Variants in P4HA3 observed in about 807,000 individuals in gnomAD.
The protein encoded by P4HA3 is prolyl 4-hydroxylase subunit alpha-3.
In P4HA3, 60 loss-of-function variants were observed where a neutral mutation model predicts 66.7. The ratio of observed to expected loss-of-function variants is 0.90; its 90% confidence interval spans 0.73 to 1.12. The LOEUF (loss-of-function observed/expected upper bound fraction) is 1.12. P4HA3 is among the 50% of genes most tolerant of loss of function. The pLI is 0.00. For missense variants in P4HA3, 683 were observed against 685.8 expected (o/e 1.00, Z 0.05); for synonymous variants, 263 against 274.6 (o/e 0.96, Z 0.42).
intron 15 of P4HA3, among the ~76,000 whole-genome samples, chr11:74,252,031 G>A (rs931885246): frequency 6.6e-6 from 1 of 151,776 alleles, no homozygotes; most frequent in Non-Finnish European, 1.5e-5. Flanking sequence ...CCTTTTCCAG[G>A]CTCCTAGAGA....
rs866037053 is a variant in P4HA3 at position 74,266,930 on chromosome 11, C to G, written c.*318G>C. On this transcript the variant is annotated 3_prime_UTR_variant, in exon 13 of 13. Transcript: ENST00000331597. ...TCAAAGTGCCAAAAGACCCACTGATCGAACCTGAGACTGTTGAGATGTCCT... is the reference window on the plus strand; with the variant it reads ...TCAAAGTGCCAAAAGACCCACTGATGGAACCTGAGACTGTTGAGATGTCCT... 1.4e-5 allele frequency: 18 copies of G among 1,293,008 alleles called. No homozygotes were observed. Among genetic ancestry groups the G allele is most frequent in the Middle Eastern group, 4.7e-4 (2 of 4,244 alleles). The allele number at this position is 1,293,008 out of a possible 1,614,324, so 80.1% of individuals were successfully genotyped here.
At chr11:74,263,385 A>G (rs1565401713), downstream of P4HA3, among the ~76,000 whole-genome samples, 1 of 151,698 alleles carries the variant, frequency 6.6e-6, no homozygotes, top group African/African-American at 2.4e-5. Context: ...AATGTTGGAG[A>G]CCCCCCCTGC....
At chr11:74,259,961 T>G (rs1859882590) in exon 15 of P4HA3, 1 of 152,204 alleles carries the variant, frequency 6.6e-6, no homozygotes, top group Admixed American at 6.5e-5. Context: ...CAGTTCTATG[T>G]TTATCTTTCT....
At chr11:74,286,603 A>G (rs1332059177) in intron 5 of P4HA3, among the ~76,000 whole-genome samples, 1 of 152,178 alleles carries the variant, frequency 6.6e-6, no homozygotes, top group Non-Finnish European at 1.5e-5. Flanking sequence ...TGATCCTGGT[A>G]GATCTGAAGG....
Position 74,291,621 on chromosome 11 carries a change from C to T in P4HA3, c.718-2491G>A, listed in dbSNP as rs138008407. On this transcript the variant is annotated intron_variant, in intron 4 of 12. Coordinates refer to ENST00000331597, the MANE Select transcript of P4HA3 (RefSeq NM_182904.5). ...TCTTATTATTTTGAGATACGTCCAT[C>T]AATACCTAATTTATTGAGAGTTTTT... is the stretch of plus-strand genomic sequence containing the variant. 9.6e-3 allele frequency among the ~76,000 whole-genome samples: 1,462 copies of T among 152,262 alleles called. 23 individuals carry two copies. Among genetic ancestry groups the T allele is most frequent in the African/African-American group, 0.031 (1,304 of 41,534 alleles).
chr11:74,288,015 CAA>C (rs1158628037), intron 5 of P4HA3, among the ~76,000 whole-genome samples: 1 of 151,152 alleles, frequency 6.6e-6, no homozygotes, highest in Non-Finnish European at 1.5e-5. Flanking sequence ...GACTCTGTCT[CAA>C]AAAACAAAAC....
intron 15 of P4HA3, chr11:74,253,586 T>C: frequency 6.8e-7 from 1 of 1,480,408 alleles, no homozygotes; most frequent in Non-Finnish European, 9.4e-7. Flanking sequence ...GTGATGCCAC[T>C]GTCTCCTCTC....
At chr11:74,292,388 A>G (rs1861061716) in intron 4 of P4HA3, among the ~76,000 whole-genome samples, 1 of 152,098 alleles carries the variant, frequency 6.6e-6, no homozygotes, top group South Asian at 2.1e-4. Flanking sequence ...GATCTTTTCA[A>G]AAAACCAGCT....
At chr11:74,288,477 C>T (rs1860879094) in intron 5 of P4HA3, among the ~76,000 whole-genome samples, 1 of 152,186 alleles carries the variant, frequency 6.6e-6, no homozygotes, top group Non-Finnish European at 1.5e-5. Context: ...GCTCCCACTC[C>T]TGGACTTTTT....
Position 74,273,542 on chromosome 11 carries a change from C to T in P4HA3, c.1398+3G>A. ...GAAGTAAGAAGCCCAGAGCAATACTCACATAGATCATAAATGTTGCAACTC... is the reference window on the plus strand; with the variant it reads ...GAAGTAAGAAGCCCAGAGCAATACTTACATAGATCATAAATGTTGCAACTC... On this transcript the variant is annotated splice_donor_region_variant and intron_variant, in intron 10 of 12. Transcript: ENST00000331597. The T allele has an allele frequency of 6.5e-7, 1 of 1,546,868 alleles. No individual in the cohort carries two copies. The highest frequency in any genetic ancestry group is 2.4e-5 in the East Asian group (1 of 41,056).
intron 4 of P4HA3, among the ~76,000 whole-genome samples, chr11:74,289,805 C>A (rs545304638): frequency 1.1e-4 from 17 of 151,930 alleles, no homozygotes; most frequent in Non-Finnish European, 1.8e-4. Flanking sequence ...ATAGTATTCC[C>A]TGGTGTATGT....
chr11:74,270,388 T>C (rs578140100), intron 10 of P4HA3, among the ~76,000 whole-genome samples: 24 of 152,340 alleles, frequency 1.6e-4, no homozygotes, highest in African/African-American at 5.8e-4. Flanking sequence ...ACTGGTCTGT[T>C]CTAGGACTAT....
chr11:74,289,236 T>C (rs903943175), intron 4 of P4HA3, 106 bp from the exon 5 acceptor site: 11 of 1,002,454 alleles, frequency 1.1e-5, no homozygotes, highest in African/African-American at 1.7e-5. Flanking sequence ...ATTCTTACCA[T>C]AAGTAGATAA....
intron 9 of P4HA3, among the ~76,000 whole-genome samples, chr11:74,275,615 CA>C (rs1271348389): frequency 6.6e-6 from 1 of 152,126 alleles, no homozygotes; most frequent in Non-Finnish European, 1.5e-5. Context: ...GTATGTCCTC[CA>C]ATTTGTTCTT....
downstream of P4HA3, among the ~76,000 whole-genome samples, chr11:74,262,006 C>G (rs1591081478): frequency 6.6e-6 from 1 of 152,306 alleles, no homozygotes; most frequent in South Asian, 2.1e-4. Context: ...GAACTAACTA[C>G]TGCCCTCCAG....
At position 74,302,549 on chromosome 11, in the gene P4HA3, G is replaced by C; in HGVS notation, c.387C>G (p.Ala129=). ...TTGCTGCTCCCTCAAGGTCCTCAAAGGCTGGAAGGTCTTGCTCCACCTTCT... is the reference window on the plus strand; with the variant it reads ...TTGCTGCTCCCTCAAGGTCCTCAAACGCTGGAAGGTCTTGCTCCACCTTCT... ...GYEKVEQDLP[A]FEDLEGAARA... Residue 129 remains alanine, a synonymous_variant, in exon 3 of 13, where the codon GCC becomes GCG. Transcript: ENST00000331597. 6.2e-7 allele frequency: 1 copy of C among 1,614,200 alleles called. No individual in the cohort carries two copies. The highest frequency in any genetic ancestry group is 1.1e-5 in the South Asian group (1 of 91,084).
At chr11:74,286,967 T>G in intron 5 of P4HA3, 1 of 453,336 alleles carries the variant, frequency 2.2e-6, no homozygotes. Context: ...AATTCATTCT[T>G]GGCTCCACTA....
At chr11:74,251,440 C>A in intron 15 of P4HA3, 1 of 1,409,210 alleles carries the variant, frequency 7.1e-7, no homozygotes. Context: ...TCCTCTTGAG[C>A]TCTATGGAGC....
Position 74,279,236 on chromosome 11 carries a change from C to T in P4HA3, c.1175+152G>A, listed in dbSNP as rs184998185. The T allele has an allele frequency of 9.9e-6, 7 of 710,112 alleles. No homozygotes were observed. The Admixed American group carries it at 1.2e-4, about 12-fold the overall frequency. 44.0% of individuals were successfully genotyped at this position (710,112 alleles called of 1,614,324 possible). On this transcript the variant is annotated intron_variant, in intron 8 of 12. Transcript: ENST00000331597. ...ACAACCTGGGAAAGGGGAGTGGAAACTTCACCCTCTTAAAAAGAATGTACA... is the reference window on the plus strand; with the variant it reads ...ACAACCTGGGAAAGGGGAGTGGAAATTTCACCCTCTTAAAAAGAATGTACA...
Sources: allele counts gnomAD v4.1 joint callset (sites outside exome capture counted in the v4.1 genomes callset), GRCh38; gene constraint gnomAD v4.1.1; transcripts MANE v1.5; gene names NCBI Gene and HGNC (gene_info 2026-07-23, HGNC 2026-07-21).